ZSWIM7: variants seen among roughly 807,000 people sequenced by gnomAD.
ZSWIM7 encodes zinc finger SWIM domain-containing protein 7.
ZSWIM7 carries 22 observed loss-of-function variants against 21.1 expected under a neutral mutation model. The observed-to-expected ratio is 1.04, with a 90% CI of 0.74 to 1.49. The LOEUF is 1.49. Ranked by LOEUF, ZSWIM7 falls within the 40% of genes most tolerant of loss-of-function variation. The pLI, the probability that ZSWIM7 is intolerant of heterozygous loss-of-function variation, is 0.00. For synonymous variants in ZSWIM7, 67 were observed against 66.5 expected (o/e 1.01, Z -0.04); for missense variants, 193 against 168.0 (o/e 1.15, Z -0.82).
chr17:15,994,051 C>G (rs1445336501), intron 1 of ZSWIM7, among the ~76,000 whole-genome samples: 1 of 152,170 alleles, frequency 6.6e-6, no homozygotes, highest in Non-Finnish European at 1.5e-5. Flanking sequence ...CGGGTTTAAA[C>G]CATTCTCTTG....
chr17:15,991,476 C>G (rs530410622), intron 2 of ZSWIM7, among the ~76,000 whole-genome samples: 2 of 152,228 alleles, frequency 1.3e-5, no homozygotes, highest in Non-Finnish European at 2.9e-5. Flanking sequence ...TATAAATGAC[C>G]CCTTTCCCCA....
intron 1 of ZSWIM7, 126 bp from the exon 2 acceptor site, chr17:15,993,904 G>A (rs1223723427): frequency 1.6e-6 from 1 of 640,938 alleles, no homozygotes; most frequent in Non-Finnish European, 2.7e-6. Flanking sequence ...CTATGCATCT[G>A]GTTTTACTCC....
At position 15,981,034 on chromosome 17, in the gene ZSWIM7, C is replaced by G; in HGVS notation, c.306+6G>C. The G allele has an allele frequency of 6.2e-7, 1 of 1,610,784 alleles. No homozygotes were observed. Among genetic ancestry groups the G allele is most frequent in the Non-Finnish European group, 8.5e-7 (1 of 1,177,470 alleles). ...CTACAGTGGGAAGAGTCTTCCCCAT[C>G]CTCACCAGGATGCTGTCACTCTTCC... On this transcript the variant is annotated splice_donor_region_variant and intron_variant, in intron 4 of 4. Transcript: ENST00000399277.
intron 1 of ZSWIM7, among the ~76,000 whole-genome samples, chr17:15,999,113 AAG>A (rs1249720722): frequency 1.3e-5 from 2 of 152,136 alleles, no homozygotes; most frequent in Admixed American, 1.3e-4. Context: ...ATTTGAGAAA[AAG>A]AAGTTTAATA....
rs1387171708 is a variant in ZSWIM7 at position 15,999,611 on chromosome 17, C to T, written c.-17G>A. 1.3e-6 allele frequency: 2 copies of T among 1,568,094 alleles called. No homozygotes were observed. The highest frequency in any genetic ancestry group is 1.7e-6 in the Non-Finnish European group (2 of 1,157,990). On this transcript the variant is annotated 5_prime_UTR_variant, in exon 1 of 5. Coordinates refer to ENST00000399277, the MANE Select transcript of ZSWIM7 (RefSeq NM_001042697.2). ...TACGGCCATCGCGCCGCAGGACACG[C>T]CCTCCACGACCGGCGGACCGCCGCG...
chr17:15,986,994 T>C, intron 3 of ZSWIM7: 1 of 251,546 alleles, frequency 4.0e-6, no homozygotes, highest in Non-Finnish European at 7.5e-6. Flanking sequence ...ATATAAGGTA[T>C]TAGATATGTT....
At chr17:15,989,760 A>G (rs1970459423) in intron 2 of ZSWIM7, among the ~76,000 whole-genome samples, 1 of 151,950 alleles carries the variant, frequency 6.6e-6, no homozygotes, top group African/African-American at 2.4e-5. Flanking sequence ...CAGCCTCCCT[A>G]GCAGCCGGGA....
intron 1 of ZSWIM7, among the ~76,000 whole-genome samples, chr17:15,996,263 A>G (rs1970553358): frequency 6.6e-6 from 1 of 152,136 alleles, no homozygotes; most frequent in Non-Finnish European, 1.5e-5. Flanking sequence ...AGATTGCACC[A>G]TTGCACTCCA....
chr17:15,985,451 G>T (rs1412753768), intron 3 of ZSWIM7, among the ~76,000 whole-genome samples: 1 of 152,070 alleles, frequency 6.6e-6, no homozygotes, highest in Non-Finnish European at 1.5e-5. Context: ...ATAACTAGCT[G>T]GGCACTAAGG....
chr17:15,983,049 T>C (rs937183495), intron 3 of ZSWIM7, among the ~76,000 whole-genome samples: 1 of 151,968 alleles, frequency 6.6e-6, no homozygotes, highest in Admixed American at 6.6e-5. Context: ...CTGAACACAT[T>C]CAAGATTTCA....
chr17:15,978,779 G>A (rs528794701), intron 4 of ZSWIM7, among the ~76,000 whole-genome samples: 7 of 152,196 alleles, frequency 4.6e-5, no homozygotes, highest in South Asian at 2.1e-4. Flanking sequence ...TTAGTCCTAA[G>A]TTATATTTCT....
chr17:15,981,760 T>A (rs116003694), intron 3 of ZSWIM7, among the ~76,000 whole-genome samples: 3,970 of 151,706 alleles, frequency 0.026, 170 homozygotes, highest in African/African-American at 0.09. Context: ...GAAAAAAAAA[T>A]TTTTTTAAAG....
Position 15,999,698 on chromosome 17 carries a change from A to G in ZSWIM7, c.-104T>C, listed in dbSNP as rs747999520. The G allele has an allele frequency of 1.3e-6, 2 of 1,554,720 alleles. No individual in the cohort carries two copies. The highest frequency in any genetic ancestry group is 1.2e-5 in the South Asian group (1 of 84,804). ...TGACCCCCCGCCGGGGCAGGGCGAG[A>G]CGGAGTGACGTCGGGGCGCGTCATC... On this transcript the variant is annotated 5_prime_UTR_variant, in exon 1 of 5. Transcript: ENST00000399277.
At chr17:15,979,855 G>A (rs1202797806) in intron 4 of ZSWIM7, among the ~76,000 whole-genome samples, 4 of 103,222 alleles carry the variant, frequency 3.9e-5, no homozygotes, top group Admixed American at 3.6e-4. Context: ...TCCCGGACGG[G>A]GCGGCTGGCC....
chr17:15,986,621 C>T (rs1166566658), intron 3 of ZSWIM7, among the ~76,000 whole-genome samples: 1 of 150,746 alleles, frequency 6.6e-6, no homozygotes. Context: ...AAAAGTTGAA[C>T]TCATAGAAAA....
intron 1 of ZSWIM7, 59 bp downstream of exon 1, chr17:15,999,460 G>T (rs770193326): frequency 1.3e-6 from 2 of 1,576,968 alleles, no homozygotes; most frequent in South Asian, 2.3e-5. Flanking sequence ...CCGGCCCGGC[G>T]GTGCCCGGAT....
chr17:15,996,094 G>A (rs1311870732), intron 1 of ZSWIM7, among the ~76,000 whole-genome samples: 1 of 152,110 alleles, frequency 6.6e-6, no homozygotes, highest in Non-Finnish European at 1.5e-5. Flanking sequence ...AACTTTTTCA[G>A]CCGGGCGCGA....
At chr17:15,999,280 G>A in intron 1 of ZSWIM7, 1 of 628,882 alleles carries the variant, frequency 1.6e-6, no homozygotes, top group South Asian at 1.9e-5. Context: ...CGACGGAGGG[G>A]CTCCTGCAAC....
intron 3 of ZSWIM7, among the ~76,000 whole-genome samples, chr17:15,981,549 A>G (rs956716462): frequency 1.3e-5 from 2 of 152,140 alleles, no homozygotes; most frequent in Non-Finnish European, 2.9e-5. Flanking sequence ...ATAAATTTCT[A>G]AAGCTTCCTA....
Sources: gnomAD v4.1 joint callset for allele counts (sites outside exome capture counted in the v4.1 genomes callset) on GRCh38, gnomAD v4.1.1 for gene constraint, MANE v1.5 for transcripts, NCBI Gene and HGNC (gene_info 2026-07-23, HGNC 2026-07-21) for gene names.